Variants in SNTG2 observed in about 807,000 individuals in gnomAD.
SNTG2 encodes the protein gamma-2-syntrophin.
SNTG2 carries 74 observed loss-of-function variants against 70.9 expected under a neutral mutation model. The observed-to-expected ratio is 1.04, with a 90% CI of 0.86 to 1.27. The LOEUF (loss-of-function observed/expected upper bound fraction) is 1.27, where lower values mean the gene tolerates loss of function less well. Ranked by LOEUF, SNTG2 falls within the 50% of genes most tolerant of loss-of-function variation. The probability of loss-of-function intolerance (pLI) is 0.00; values close to 1 mark genes in which losing one functional copy is unlikely to be tolerated. For missense variants in SNTG2, 717 were observed against 690.7 expected (o/e 1.04, Z -0.43); for synonymous variants, 278 against 273.8 (o/e 1.02, Z -0.15).
In SNTG2 at chr2:1,132,250, C is replaced by T. The variant is rs540189084; in HGVS notation, c.326-5372C>T. ...ATATATGTGTGTGTATATATATACA[C>T]ACACACACACACATACATACACACA... On this transcript the variant is annotated intron_variant, in intron 4 of 16. Transcript: ENST00000308624. 9.9e-3 allele frequency among the ~76,000 whole-genome samples: 1,498 copies of T among 151,016 alleles called. 10 individuals are homozygous for T. Among genetic ancestry groups the T allele is most frequent in the Non-Finnish European group, 0.017 (1,163 of 67,792 alleles).
At chr2:1,312,163 TAAATG>T (rs1681026503) in intron 15 of SNTG2, among the ~76,000 whole-genome samples, 1 of 152,086 alleles carries the variant, frequency 6.6e-6, no homozygotes, top group African/African-American at 2.4e-5. Flanking sequence ...ACTTACAAAA[TAAATG>T]AGAAGACCAT....
At chr2:1,257,346 C>G (rs1678178800) in intron 12 of SNTG2, among the ~76,000 whole-genome samples, 1 of 152,154 alleles carries the variant, frequency 6.6e-6, no homozygotes, top group African/African-American at 2.4e-5. Flanking sequence ...GCCTTGCCTC[C>G]CTGGGCTGTG....
chr2:1,253,284 G>A lies in SNTG2; in HGVS notation c.1005+5841G>A, dbSNP rs28568363. Among the ~76,000 whole-genome samples, 1,326 of 152,158 alleles carry A rather than the reference G, an allele frequency of 8.7e-3. 16 individuals are homozygous for A. The highest frequency in any genetic ancestry group is 0.029 in the African/African-American group (1,221 of 41,516). ...CTAACACCAATCAGACCTCTCTCAG[G>A]AGAGAAAGCCGAGGTCTCTCTTCCA... On this transcript the variant is annotated intron_variant, in intron 12 of 16. Transcript: ENST00000308624.
chr2:952,743 G>T (rs1660018251), intron 1 of SNTG2, among the ~76,000 whole-genome samples: 1 of 152,194 alleles, frequency 6.6e-6, no homozygotes, highest in Non-Finnish European at 1.5e-5. Context: ...GCAGTCATAA[G>T]TAATTAGGTA....
chr2:1,053,080 G>A (rs1241289794), intron 1 of SNTG2, among the ~76,000 whole-genome samples: 1 of 152,150 alleles, frequency 6.6e-6, no homozygotes, highest in Non-Finnish European at 1.5e-5. Context: ...AGTCCTTTGA[G>A]ATTTTTGAGG....
intron 1 of SNTG2, among the ~76,000 whole-genome samples, chr2:1,009,846 C>A (rs931234180): frequency 4.3e-4 from 66 of 152,182 alleles, no homozygotes; most frequent in African/African-American, 1.5e-3. Flanking sequence ...ATCTTCCCTT[C>A]CCTATGTTCC....
At chr2:1,293,553 G>T (rs1423333831) in intron 14 of SNTG2, among the ~76,000 whole-genome samples, 2 of 151,770 alleles carry the variant, frequency 1.3e-5, no homozygotes, top group Non-Finnish European at 2.9e-5. Context: ...GGTGTGTTGT[G>T]TTTTTTATTT....
chr2:1,318,229 A>T (rs1266876192), intron 16 of SNTG2, among the ~76,000 whole-genome samples: 1 of 152,236 alleles, frequency 6.6e-6, no homozygotes, highest in East Asian at 1.9e-4. Flanking sequence ...AATAAATTTT[A>T]AAAAATAGAC....
At chr2:991,058 C>T (rs1661474849) in intron 1 of SNTG2, among the ~76,000 whole-genome samples, 1 of 151,940 alleles carries the variant, frequency 6.6e-6, no homozygotes, top group African/African-American at 2.4e-5. Flanking sequence ...CAGTAAAAAC[C>T]TTAAGATATG....
chr2:999,916 T>C (rs1171877406), intron 1 of SNTG2, among the ~76,000 whole-genome samples: 4 of 152,106 alleles, frequency 2.6e-5, no homozygotes, highest in East Asian at 3.9e-4. Context: ...ATCAAAATTA[T>C]ATAAAGTACT....
intron 1 of SNTG2, among the ~76,000 whole-genome samples, chr2:957,920 G>A (rs1316014705): frequency 3.3e-5 from 5 of 152,188 alleles, no homozygotes; most frequent in Admixed American, 6.5e-5. Context: ...TAGCAGCCGT[G>A]GGAAGCTAAT....
chr2:1,152,124 A>G (rs969084494), intron 6 of SNTG2, among the ~76,000 whole-genome samples: 1 of 152,178 alleles, frequency 6.6e-6, no homozygotes, highest in African/African-American at 2.4e-5. Flanking sequence ...GAGATCATCA[A>G]TGTGCTGACT....
chr2:1,262,692 T>C (rs1179379197), intron 13 of SNTG2, among the ~76,000 whole-genome samples: 2 of 140,650 alleles, frequency 1.4e-5, no homozygotes, highest in East Asian at 4.0e-4. Context: ...ACCGGAAGGC[T>C]CCGTCCAGAC....
chr2:1,169,392 G>A (rs67354056), intron 7 of SNTG2, among the ~76,000 whole-genome samples: 10,158 of 152,130 alleles, frequency 0.067, 470 homozygotes, highest in East Asian at 0.21. Flanking sequence ...TGGGTGCTGC[G>A]TCTAAGCCAG....
At chr2:1,159,153 GT>G (rs1464699257) in intron 6 of SNTG2, among the ~76,000 whole-genome samples, 42 of 143,896 alleles carry the variant, frequency 2.9e-4, no homozygotes, top group East Asian at 4.1e-4. Flanking sequence ...TGTGGGGGGG[GT>G]GTGTGAGTGC....
At chr2:1,007,380 T>G (rs1193281465) in intron 1 of SNTG2, among the ~76,000 whole-genome samples, 1 of 152,216 alleles carries the variant, frequency 6.6e-6, no homozygotes, top group Non-Finnish European at 1.5e-5. Flanking sequence ...AGCAAAGGTT[T>G]TGGTGTTTGA....
In SNTG2 at chr2:1,366,692, A is replaced by G. The variant is rs528254677; in HGVS notation, c.1489-651A>G. On this transcript the variant is annotated intron_variant, in intron 16 of 16. Transcript: ENST00000308624. ...TCCCGCCGTGCTGTGCACACTGCCT[A>G]TTCTGCGCCACACAGCAGGCGCTGT... Among the ~76,000 whole-genome samples the G allele has an allele frequency of 1.5e-3, 224 of 152,234 alleles. 3 individuals carry two copies. Among genetic ancestry groups the G allele is most frequent in the Non-Finnish European group, 1.3e-3 (87 of 68,022 alleles).
chr2:1,123,318 A>C (rs7575784), intron 4 of SNTG2, among the ~76,000 whole-genome samples: 1 of 152,042 alleles, frequency 6.6e-6, no homozygotes, highest in Non-Finnish European at 1.5e-5. Flanking sequence ...TTATATTACT[A>C]TAGTAATCAA....
chr2:1,328,883 G>A (rs529483448), intron 16 of SNTG2, among the ~76,000 whole-genome samples: 158 of 149,952 alleles, frequency 1.1e-3, no homozygotes, highest in African/African-American at 3.5e-3. Context: ...ACATGCACAC[G>A]CATACACACA....
Sources: gnomAD v4.1 joint callset for allele counts (sites outside exome capture counted in the v4.1 genomes callset) on GRCh38, gnomAD v4.1.1 for gene constraint, MANE v1.5 for transcripts, NCBI Gene and HGNC (gene_info 2026-07-23, HGNC 2026-07-21) for gene names.